The following CAMK2D variants were observed in gnomAD, a reference collection of about 807,000 sequenced individuals.
CAMK2D encodes calcium/calmodulin-dependent protein kinase type II subunit delta.
Under a neutral mutation model 84.0 loss-of-function variants are expected in CAMK2D, and 37 were observed. The ratio of observed to expected loss-of-function variants is 0.44; its 90% confidence interval spans 0.34 to 0.58. The LOEUF (loss-of-function observed/expected upper bound fraction) is 0.58, where lower values mean the gene tolerates loss of function less well. CAMK2D is among the 20% of genes least tolerant of loss of function. The pLI is 0.02. For synonymous variants in CAMK2D, 202 were observed against 212.5 expected (o/e 0.95, Z 0.43); for missense variants, 448 against 652.5 (o/e 0.69, Z 3.41).
intron 4 of CAMK2D, among the ~76,000 whole-genome samples, chr4:113,591,647 G>A (rs571005103): frequency 1.3e-5 from 2 of 152,256 alleles, no homozygotes; most frequent in East Asian, 3.9e-4. Context: ...TTTGGAAATT[G>A]CTCCCAGCTG....
chr4:113,701,035 T>TA (rs35921772), intron 2 of CAMK2D, among the ~76,000 whole-genome samples: 7 of 151,896 alleles, frequency 4.6e-5, no homozygotes, highest in South Asian at 2.1e-4. Context: ...CAGGCACTGA[T>TA]AAAAAAAAAT....
intron 8 of CAMK2D, among the ~76,000 whole-genome samples, chr4:113,522,637 G>C (rs1018466637): frequency 1.3e-5 from 2 of 152,280 alleles, no homozygotes; most frequent in South Asian, 4.1e-4. Flanking sequence ...ATGGGGTGGG[G>C]TGGTCACCAG....
chr4:113,576,556 GACGAT>G (rs1226661308), intron 4 of CAMK2D, among the ~76,000 whole-genome samples: 1 of 151,810 alleles, frequency 6.6e-6, no homozygotes, highest in Non-Finnish European at 1.5e-5. Context: ...AGGGTATACA[GACGAT>G]AGAAACATAC....
intron 17 of CAMK2D, among the ~76,000 whole-genome samples, chr4:113,461,735 G>A (rs1363127538): frequency 6.6e-6 from 1 of 152,136 alleles, no homozygotes; most frequent in Non-Finnish European, 1.5e-5. Context: ...TGCCCCAAAG[G>A]GTAATACAGT....
Position 113,506,006 on chromosome 4 carries a change from G to A in CAMK2D, c.985-971C>T, listed in dbSNP as rs2098123323. Among the ~76,000 whole-genome samples the A allele has an allele frequency of 4.6e-5, 7 of 151,886 alleles. 1 individual carries two copies. Among genetic ancestry groups the A allele is most frequent in the Admixed American group, 4.6e-4 (7 of 15,242 alleles). On this transcript the variant is annotated intron_variant, in intron 13 of 20. Transcript: ENST00000511664. ...TTCTCAAACAAAAATGTAAGGTAAC[G>A]TTCATTTTCTTATACTATATTATCT... is the stretch of plus-strand genomic sequence containing the variant.
chr4:113,694,801 G>T (rs897526652), intron 2 of CAMK2D, among the ~76,000 whole-genome samples: 1 of 152,122 alleles, frequency 6.6e-6, no homozygotes, highest in African/African-American at 2.4e-5. Flanking sequence ...ATCATACATT[G>T]TGCTCTAATT....
intron 17 of CAMK2D, among the ~76,000 whole-genome samples, chr4:113,460,832 T>C (rs1020574762): frequency 6.6e-6 from 1 of 152,012 alleles, no homozygotes; most frequent in Non-Finnish European, 1.5e-5. Flanking sequence ...AGTATTGGCG[T>C]ACAGTACCAT....
At position 113,491,958 on chromosome 4, in the gene CAMK2D, GT is replaced by G. The variant is rs199593318; in HGVS notation, c.1135+8504del. Among the ~76,000 whole-genome samples the G allele has an allele frequency of 7.1e-3, 1,085 of 152,272 alleles. 23 individuals carry two copies. The highest frequency in any genetic ancestry group is 0.025 in the African/African-American group (1,039 of 41,536). On this transcript the variant is annotated intron_variant, in intron 16 of 20. Transcript: ENST00000511664. ...CTGTTTGTAGTATTCTCTGATGGTA[GT>G]TTCTATTTCTGTGGGATCGGTGGTG...
chr4:113,689,545 C>T (rs2099377125), intron 2 of CAMK2D, among the ~76,000 whole-genome samples: 2 of 152,314 alleles, frequency 1.3e-5, no homozygotes, highest in South Asian at 2.1e-4. Flanking sequence ...ACTCCAGATA[C>T]ATTAGTGCCC....
intron 10 of CAMK2D, 82 bp from the exon 11 acceptor site, chr4:113,513,995 T>C: frequency 1.6e-6 from 1 of 629,732 alleles, no homozygotes; most frequent in South Asian, 2.1e-5. Context: ...CTTCATCAAA[T>C]ATTTATTAAT....
At chr4:113,670,785 G>A (rs570516985) in intron 2 of CAMK2D, among the ~76,000 whole-genome samples, 18 of 151,948 alleles carry the variant, frequency 1.2e-4, no homozygotes, top group East Asian at 3.9e-4. Flanking sequence ...AAAATTAGCC[G>A]GGCACAGTGG....
intron 4 of CAMK2D, among the ~76,000 whole-genome samples, chr4:113,578,042 G>C (rs2098792084): frequency 6.6e-6 from 1 of 152,074 alleles, no homozygotes; most frequent in Non-Finnish European, 1.5e-5. Flanking sequence ...GCTGAGTATT[G>C]GTATTGTGTT....
At chr4:113,601,794 CAA>C (rs2154260587) in intron 4 of CAMK2D, among the ~76,000 whole-genome samples, 1 of 141,602 alleles carries the variant, frequency 7.1e-6, no homozygotes, top group South Asian at 2.3e-4. Flanking sequence ...CTTCTGGGCT[CAA>C]GTGATTTTCC....
intron 3 of CAMK2D, among the ~76,000 whole-genome samples, chr4:113,616,989 T>C (rs1030914115): frequency 4.6e-5 from 7 of 152,306 alleles, no homozygotes; most frequent in African/African-American, 2.4e-5. Flanking sequence ...ATTGAAACAA[T>C]AGTCATTTAT....
At chr4:113,563,088 T>C (rs2098706091) in intron 4 of CAMK2D, among the ~76,000 whole-genome samples, 1 of 151,632 alleles carries the variant, frequency 6.6e-6, no homozygotes, top group African/African-American at 2.4e-5. Flanking sequence ...ACCCTGTCTC[T>C]ACTAAAAATA....
chr4:113,635,500 G>A (rs1452879206), intron 3 of CAMK2D, among the ~76,000 whole-genome samples: 1 of 152,138 alleles, frequency 6.6e-6, no homozygotes, highest in African/African-American at 2.4e-5. Context: ...TCAGAAAAAG[G>A]AAGGAAAAGG....
At chr4:113,513,955 A>T in intron 10 of CAMK2D, 42 bp from the exon 11 acceptor site, 2 of 881,872 alleles carry the variant, frequency 2.3e-6, no homozygotes, top group Non-Finnish European at 3.7e-6. Context: ...GAGAATATTT[A>T]AAACACACTA....
intron 2 of CAMK2D, among the ~76,000 whole-genome samples, chr4:113,701,507 G>A (rs1332282772): frequency 1.3e-5 from 2 of 152,104 alleles, no homozygotes; most frequent in African/African-American, 2.4e-5. Flanking sequence ...ACTGGTCCAA[G>A]GAAAATTGGC....
intron 3 of CAMK2D, among the ~76,000 whole-genome samples, chr4:113,638,505 G>A (rs2099119017): frequency 6.6e-6 from 1 of 152,110 alleles, no homozygotes; most frequent in South Asian, 2.1e-4. Flanking sequence ...AAAACACAAT[G>A]TGCTCTCAGT....
Sources: gnomAD v4.1 joint callset for allele counts (sites outside exome capture counted in the v4.1 genomes callset) on GRCh38, gnomAD v4.1.1 for gene constraint, MANE v1.5 for transcripts, NCBI Gene and HGNC (gene_info 2026-07-23, HGNC 2026-07-21) for gene names.